Variants in N4BP2 observed in about 807,000 individuals in gnomAD.
The protein encoded by N4BP2 is NEDD4 binding protein 2, also known as NEDD4-binding protein 2.
A neutral mutation model predicts 152.8 loss-of-function variants in N4BP2; 91 were observed. That is an observed-to-expected ratio of 0.60 (90% CI 0.50 to 0.71). The LOEUF is 0.71. Among genes scored for constraint, N4BP2 ranks in the 30% least tolerant of loss-of-function variants. N4BP2 has a pLI of 0.00. For missense variants in N4BP2, 1,923 were observed against 2,059.1 expected (o/e 0.93, Z 1.28); for synonymous variants, 646 against 705.3 (o/e 0.92, Z 1.33).
chr4:40,110,550 G>T (rs1716772780), intron 5 of N4BP2, among the ~76,000 whole-genome samples: 1 of 152,128 alleles, frequency 6.6e-6, no homozygotes, highest in South Asian at 2.1e-4. Flanking sequence ...CTTCTCTGGA[G>T]AAATGTCTAT....
chr4:40,088,981 C>T (rs1313353314), intron 2 of N4BP2, among the ~76,000 whole-genome samples: 1 of 151,944 alleles, frequency 6.6e-6, no homozygotes, highest in African/African-American at 2.4e-5. Flanking sequence ...AACAGAGTCT[C>T]TGTCTGTCAC....
the N4BP2 span, among the ~76,000 whole-genome samples, chr4:40,187,491 C>A: frequency 7.0e-6 from 1 of 143,244 alleles, no homozygotes; most frequent in African/African-American, 2.5e-5. Context: ...TAAAATTGTT[C>A]TATTTTTTTG....
chr4:40,133,801 C>CT (rs1719114717), intron 13 of N4BP2, among the ~76,000 whole-genome samples: 1 of 151,900 alleles, frequency 6.6e-6, no homozygotes, highest in Non-Finnish European at 1.5e-5. Flanking sequence ...TCAACATATA[C>CT]TTTTTTGTGT....
chr4:40,088,979 CTCTG>C (rs1372285200), intron 2 of N4BP2, among the ~76,000 whole-genome samples: 1 of 151,748 alleles, frequency 6.6e-6, no homozygotes, highest in Non-Finnish European at 1.5e-5. Context: ...GAAACAGAGT[CTCTG>C]TCTGTCACCT....
chr4:40,112,183 TA>T lies in N4BP2; in HGVS notation c.1587+13del. 7.2e-7 allele frequency: 1 copy of T among 1,388,744 alleles called. No homozygotes were observed. Among genetic ancestry groups the T allele is most frequent in the Non-Finnish European group, 1.0e-6 (1 of 995,184 alleles). 86.0% of individuals were successfully genotyped at this position (1,388,744 alleles called of 1,614,324 possible). A position where few individuals can be genotyped will look rare whatever the true frequency, so the allele number is the denominator to read the frequency against. On this transcript the variant is annotated intron_variant, in intron 6 of 17. Coordinates refer to ENST00000261435, the MANE Select transcript of N4BP2 (RefSeq NM_018177.6). ...CCATATGTTGCTTTGGTTAGTACCATAAGTTGTCATAAGTTTATAACAGTTT... is the reference window on the plus strand; with the variant it reads ...CCATATGTTGCTTTGGTTAGTACCATAGTTGTCATAAGTTTATAACAGTTT...
At chr4:40,111,379 G>A (rs1007244722) in intron 5 of N4BP2, among the ~76,000 whole-genome samples, 1 of 152,106 alleles carries the variant, frequency 6.6e-6, no homozygotes, top group African/African-American at 2.4e-5. Flanking sequence ...GGAGTACAAT[G>A]GCGTGGTCTC....
At chr4:40,142,882 T>C in intron 15 of N4BP2, 21 bp downstream of exon 15, 1 of 1,605,364 alleles carries the variant, frequency 6.2e-7, no homozygotes, top group South Asian at 1.1e-5. Flanking sequence ...AAACTGATTA[T>C]ATATTTTTTG....
At chr4:40,188,843 T>C in the N4BP2 span, among the ~76,000 whole-genome samples, 39,221 of 151,794 alleles carry the variant, frequency 0.26, 6,286 homozygotes, top group African/African-American at 0.45. Context: ...CAGTATGCTC[T>C]GATTACAAAG....
chr4:40,089,427 A>G (rs1342444425), intron 2 of N4BP2, among the ~76,000 whole-genome samples: 1 of 134,834 alleles, frequency 7.4e-6, no homozygotes, highest in Non-Finnish European at 1.6e-5. Context: ...ATAATTTATC[A>G]GTTTTGCCTT....
At chr4:40,072,540 G>A (rs112088662) in intron 1 of N4BP2, among the ~76,000 whole-genome samples, 4 of 151,508 alleles carry the variant, frequency 2.6e-5, no homozygotes, top group African/African-American at 9.7e-5. Flanking sequence ...CACCGCGCTC[G>A]GCCCACCTGG....
At chr4:40,151,589 C>T (rs187496394) in intron 16 of N4BP2, among the ~76,000 whole-genome samples, 136 of 152,072 alleles carry the variant, frequency 8.9e-4, no homozygotes, top group Admixed American at 3.9e-3. Flanking sequence ...AACTTTTATG[C>T]GTAATATAAC....
At chr4:40,102,001 A>G in intron 3 of N4BP2, 74 bp from the exon 4 acceptor site, 1 of 927,248 alleles carries the variant, frequency 1.1e-6, no homozygotes. Context: ...TTTTAGCTGG[A>G]TTTTAATAAA....
intron 3 of N4BP2, 38 bp from the exon 4 acceptor site, chr4:40,102,031 CTGTCTA>C (rs777161752): frequency 1.7e-6 from 2 of 1,175,220 alleles, no homozygotes; most frequent in Non-Finnish European, 2.4e-6. Flanking sequence ...TCTGTTTTCT[CTGTCTA>C]TATTTTTGTT....
chr4:40,103,890 A>G (rs994244200), intron 4 of N4BP2, among the ~76,000 whole-genome samples: 2 of 152,094 alleles, frequency 1.3e-5, no homozygotes, highest in Admixed American at 1.3e-4. Flanking sequence ...TATTGTTTTC[A>G]TAGTCCCTCT....
At chr4:40,061,195 A>G (rs1289516244) in intron 1 of N4BP2, among the ~76,000 whole-genome samples, 4 of 150,868 alleles carry the variant, frequency 2.7e-5, no homozygotes, top group African/African-American at 9.8e-5. Context: ...TTTGAGGTAG[A>G]GTCTTGCTGT....
At chr4:40,144,469 A>G (rs142631549) in intron 15 of N4BP2, among the ~76,000 whole-genome samples, 163 bp from the exon 16 acceptor site, 2 of 152,316 alleles carry the variant, frequency 1.3e-5, no homozygotes, top group East Asian at 3.9e-4. Context: ...AAATTTACCT[A>G]AATTTTGGTG....
chr4:40,070,145 C>T (rs1035226452), intron 1 of N4BP2, among the ~76,000 whole-genome samples: 1 of 152,106 alleles, frequency 6.6e-6, no homozygotes, highest in Non-Finnish European at 1.5e-5. Context: ...ACAATTGTTA[C>T]CATTTTGCCA....
intron 13 of N4BP2, 152 bp from the exon 14 acceptor site, chr4:40,136,792 A>G (rs1382151937): frequency 7.5e-6 from 4 of 535,274 alleles, no homozygotes; most frequent in Non-Finnish European, 1.3e-5. Flanking sequence ...TTTTTTTGAG[A>G]TACACCATGA....
At chr4:40,147,925 A>G (rs1420217824) in intron 16 of N4BP2, among the ~76,000 whole-genome samples, 2 of 149,720 alleles carry the variant, frequency 1.3e-5, no homozygotes, top group East Asian at 4.0e-4. Context: ...CACATTTCAG[A>G]CGATGGGCGG....
Sources: allele counts gnomAD v4.1 joint callset (sites outside exome capture counted in the v4.1 genomes callset), GRCh38; gene constraint gnomAD v4.1.1; transcripts MANE v1.5; gene names NCBI Gene and HGNC (gene_info 2026-07-23, HGNC 2026-07-21).